The following RREB1 variants were observed in gnomAD, a reference collection of about 807,000 sequenced individuals.
The protein encoded by RREB1 is ras responsive element binding protein 1, also known as ras-responsive element-binding protein 1.
A neutral mutation model predicts 117.8 loss-of-function variants in RREB1; 27 were observed. The ratio of observed to expected loss-of-function variants is 0.23; its 90% confidence interval spans 0.17 to 0.32. The LOEUF (loss-of-function observed/expected upper bound fraction) is 0.32, where lower values mean the gene tolerates loss of function less well. RREB1 is among the 10% of genes least tolerant of loss of function. The pLI is 1.00. For missense variants in RREB1, 2,577 were observed against 2,378.2 expected, an observed-to-expected ratio of 1.08 and a Z score of -1.74; for synonymous variants, 1,298 against 1,026.7, an observed-to-expected ratio of 1.26 and a Z score of -5.05.
chr6:7,196,205 G>T (rs9405329), intron 6 of RREB1, among the ~76,000 whole-genome samples: 93 of 144,270 alleles, frequency 6.4e-4, no homozygotes, highest in Non-Finnish European at 1.3e-3. Context: ...GTTGTTTTTT[G>T]GTTTTTTTTT....
intron 1 of RREB1, among the ~76,000 whole-genome samples, chr6:7,123,436 A>G (rs1449101198): frequency 6.6e-6 from 1 of 152,118 alleles, no homozygotes; most frequent in Non-Finnish European, 1.5e-5. Flanking sequence ...TGCTAGGATT[A>G]CAGGCGTGAG....
Position 7,240,484 on chromosome 6 carries a change from C to G in RREB1, c.3855C>G (p.Thr1285=), listed in dbSNP as rs749862978. 6.2e-7 allele frequency: 1 copy of G among 1,613,618 alleles called. No homozygotes were observed. Among genetic ancestry groups the G allele is most frequent in the Non-Finnish European group, 8.5e-7 (1 of 1,179,768 alleles). ...PCQKCDAFFS[T]KSNCERHQLR... ...AAAAATGCGATGCCTTCTTTTCTACCAAATCTAACTGTGAACGCCACCAGT... is the reference window on the plus strand; with the variant it reads ...AAAAATGCGATGCCTTCTTTTCTACGAAATCTAACTGTGAACGCCACCAGT... The change falls in exon 11 of 13, where the codon ACC becomes ACG. Residue 1285 remains threonine, a synonymous_variant. Transcript: ENST00000379938.
intron 10 of RREB1, among the ~76,000 whole-genome samples, chr6:7,240,034 G>A (rs1456823367): frequency 2.6e-5 from 4 of 152,156 alleles, no homozygotes; most frequent in African/African-American, 4.8e-5. Flanking sequence ...TCCATATTAC[G>A]GTGTCCTTGC....
chr6:7,148,767 G>A (rs143275906), intron 1 of RREB1, among the ~76,000 whole-genome samples: 149 of 152,252 alleles, frequency 9.8e-4, no homozygotes, highest in African/African-American at 3.4e-3. Flanking sequence ...CCTCAGTGAT[G>A]TGCAGCTGCT....
Position 7,187,537 on chromosome 6 carries a change from GTTCTTTTATT to G in RREB1, c.261+17_261+26del, listed in dbSNP as rs778696629. The G allele has an allele frequency of 9.2e-7, 1 of 1,084,394 alleles. No homozygotes were observed. The allele number at this position is 1,084,394 out of a possible 1,614,324, so 67.2% of individuals were successfully genotyped here. On this transcript the variant is annotated intron_variant, in intron 5 of 12. Transcript: ENST00000379938. The stretch of plus-strand genomic sequence containing the variant: ...CACATTCGCCAGGTAGATTCCCACT[GTTCTTTTATT>G]TTATTTTATTTTATTTTATTTTATT...
intron 8 of RREB1, chr6:7,212,392 C>T (rs1440368567): frequency 6.6e-6 from 1 of 152,228 alleles, no homozygotes; most frequent in Non-Finnish European, 1.5e-5. Flanking sequence ...CACAAGAATT[C>T]AGGGGACTCA....
At chr6:7,195,154 T>C (rs1483036213) in intron 6 of RREB1, among the ~76,000 whole-genome samples, 3 of 152,210 alleles carry the variant, frequency 2.0e-5, no homozygotes, top group Non-Finnish European at 4.4e-5. Context: ...TGATTTCTTT[T>C]AAGTGTGCTT....
chr6:7,223,965 TAAAAG>T (rs1483752163), intron 8 of RREB1, among the ~76,000 whole-genome samples: 4 of 152,308 alleles, frequency 2.6e-5, no homozygotes, highest in Admixed American at 6.5e-5. Context: ...GTTGTTTTAA[TAAAAG>T]AAAAGAATAG....
intron 1 of RREB1, among the ~76,000 whole-genome samples, chr6:7,147,795 G>T (rs1326797198): frequency 6.6e-6 from 1 of 151,546 alleles, no homozygotes; most frequent in Non-Finnish European, 1.5e-5. Context: ...TAATTAAATT[G>T]TTCCATAGTA....
rs1477470196 is a variant in RREB1 at position 7,250,335 on chromosome 6, G to T, written c.*1367G>T. 2.0e-5 allele frequency: 3 copies of T among 152,176 alleles called. No homozygotes were observed. Among genetic ancestry groups the T allele is most frequent in the African/African-American group, 7.2e-5 (3 of 41,430 alleles). 9.4% of individuals were successfully genotyped at this position (152,176 alleles called of 1,614,324 possible). ...AATAGGTTTATATTTACCTTCCTGC[G>T]ATGTGGGGTTGGTGCTTGAAGATAA... is the stretch of plus-strand genomic sequence containing the variant. On this transcript the variant is annotated 3_prime_UTR_variant, in exon 13 of 13. Coordinates refer to ENST00000379938, the MANE Select transcript of RREB1 (RefSeq NM_001003699.4).
intron 1 of RREB1, among the ~76,000 whole-genome samples, chr6:7,112,805 A>G (rs1371595509): frequency 7.1e-6 from 1 of 140,552 alleles, no homozygotes; most frequent in Admixed American, 7.0e-5. Context: ...CGGCAATGTC[A>G]TCGACTGTGC....
intron 6 of RREB1, among the ~76,000 whole-genome samples, chr6:7,198,436 A>T (rs897707880): frequency 2.6e-5 from 4 of 152,228 alleles, no homozygotes; most frequent in African/African-American, 9.6e-5. Flanking sequence ...TCTACATCCA[A>T]GGGGGAAGGA....
chr6:7,231,274 A>G lies in RREB1; in HGVS notation c.3175A>G (p.Thr1059Ala). The stretch of plus-strand genomic sequence containing the variant: ...GCTGCTTTTGCCAAAGCCCCCCGTG[A>G]CAGAAGAGCTGCCCCCGCTGGCCTC... ...PPLLLPKPPV[T>A]EELPPLASIA... The change falls in exon 10 of 13, where the codon ACA becomes GCA. Residue 1059 changes from threonine to alanine, a missense_variant. Coordinates refer to ENST00000379938, the MANE Select transcript of RREB1 (RefSeq NM_001003699.4). 6.2e-7 allele frequency: 1 copy of G among 1,610,130 alleles called. No individual in the cohort carries two copies. Among genetic ancestry groups the G allele is most frequent in the Non-Finnish European group, 8.5e-7 (1 of 1,178,218 alleles).
At chr6:7,110,297 T>C (rs1761073604) in intron 1 of RREB1, among the ~76,000 whole-genome samples, 1 of 152,206 alleles carries the variant, frequency 6.6e-6, no homozygotes, top group African/African-American at 2.4e-5. Context: ...GTATAGTTTC[T>C]AAGACATATT....
chr6:7,247,058 C>A lies in RREB1; in HGVS notation c.4608C>A (p.Ala1536=), dbSNP rs771340580. The A allele has an allele frequency of 2.5e-6, 4 of 1,613,342 alleles. No homozygotes were observed. In the South Asian group the frequency reaches 3.3e-5, roughly 13 times the overall value. The change falls in exon 12 of 13, where the codon GCC becomes GCA. Residue 1536 remains alanine (A), a synonymous_variant. Transcript: ENST00000379938. ...GCCCCTCCGACGGGGAGAGCGCGGC[C>A]GAGAAAAGGTCCTCAGAGAAGAGCG... The part of the protein sequence containing the change: ...TEGPSDGESA[A]EKRSSEKSDD...
intron 1 of RREB1, among the ~76,000 whole-genome samples, chr6:7,167,332 T>G (rs899242094): frequency 6.6e-6 from 1 of 151,800 alleles, no homozygotes; most frequent in African/African-American, 2.4e-5. Context: ...ATTGTCCAAC[T>G]TGTGGGCTGG....
rs778663697 is a variant in RREB1 at position 7,229,795 on chromosome 6, A to G, written c.1696A>G (p.Lys566Glu). The G allele has an allele frequency of 1.2e-6, 2 of 1,609,718 alleles. No homozygotes were observed. The highest frequency in any genetic ancestry group is 1.7e-6 in the Non-Finnish European group (2 of 1,177,786). Residue 566 changes from lysine to glutamate, a missense_variant, in exon 10 of 13, where the codon AAG becomes GAG. Transcript: ENST00000379938. The surrounding 1 kb of genome is among the most constrained non-coding windows in gnomAD (Gnocchi z 4.5). The stretch of plus-strand genomic sequence containing the variant: ...CTCCAACGCCCACCTGCTGCAGTCC[A>G]AGTCCGGGACCCAGCCCCACGCGGC... Reference protein sequence around the residue: ...AASNAHLLQSKSGTQPHAATR... With the variant: ...AASNAHLLQSESGTQPHAATR...
intron 1 of RREB1, among the ~76,000 whole-genome samples, chr6:7,158,338 C>T (rs1353874127): frequency 6.6e-6 from 1 of 152,092 alleles, no homozygotes; most frequent in Non-Finnish European, 1.5e-5. Flanking sequence ...GGTCTCCCTC[C>T]CCTGCAATCC....
chr6:7,231,698 C>T lies in RREB1; in HGVS notation c.3599C>T (p.Ala1200Val), dbSNP rs1279358138. 9 of 1,612,918 alleles carry T rather than the reference C, an allele frequency of 5.6e-6. No individual in the cohort carries two copies. The highest frequency in any genetic ancestry group is 2.2e-5 in the East Asian group (1 of 44,880). ...TNKFSPFLQT[A>V]EDNTQDEVAG... ...AAGTTCAGTCCGTTTCTGCAGACAGCGGAGGACAACACTCAGGATGAGGTG... is the reference window on the plus strand; with the variant it reads ...AAGTTCAGTCCGTTTCTGCAGACAGTGGAGGACAACACTCAGGATGAGGTG... Residue 1200 changes from alanine (A) to valine (V), a missense_variant, in exon 10 of 13, where the codon GCG (alanine) becomes GTG (valine). Coordinates refer to ENST00000379938, the MANE Select transcript of RREB1 (RefSeq NM_001003699.4).
Sources: allele counts gnomAD v4.1 joint callset (sites outside exome capture counted in the v4.1 genomes callset), GRCh38; gene constraint gnomAD v4.1.1; non-coding constraint Gnocchi (gnomAD v3.1); transcripts MANE v1.5; gene names NCBI Gene and HGNC (gene_info 2026-07-23, HGNC 2026-07-21).